RPF1: variants seen among roughly 807,000 people sequenced by gnomAD.
RPF1 encodes the protein ribosome production factor 1.
In RPF1, 34 loss-of-function variants were observed where a neutral mutation model predicts 41.9. The ratio of observed to expected loss-of-function variants is 0.81; its 90% CI spans 0.62 to 1.08. RPF1 has a LOEUF of 1.08. Among genes scored for constraint, RPF1 ranks in the 50% least tolerant of loss-of-function variants. RPF1 has a pLI of 0.00. For missense variants in RPF1, 425 were observed against 435.2 expected, an observed-to-expected ratio of 0.98 and a Z score of 0.21; for synonymous variants, 140 against 148.9, an observed-to-expected ratio of 0.94 and a Z score of 0.43.
chr1:84,495,908 C>T lies in RPF1; in HGVS notation c.726C>T (p.His242=). The T allele has an allele frequency of 6.2e-7, 1 of 1,609,360 alleles. No individual in the cohort carries two copies. Among genetic ancestry groups the T allele is most frequent in the Non-Finnish European group, 8.5e-7 (1 of 1,176,544 alleles). The stretch of plus-strand genomic sequence containing the variant: ...GAAGAGGCAAGGACCCCACAGAACA[C>T]ATACCTGAAATAATTCTGAATAATT... The part of the protein sequence containing the change: ...IKRRGKDPTE[H]IPEIILNNFT... Residue 242 remains histidine, a synonymous_variant, in exon 7 of 9, where the codon CAC becomes CAT. Transcript: ENST00000370654.
chr1:84,492,207 A>G (rs1681846345), intron 5 of RPF1, among the ~76,000 whole-genome samples: 1 of 152,080 alleles, frequency 6.6e-6, no homozygotes, highest in Non-Finnish European at 1.5e-5. Flanking sequence ...TGGGTTCAGG[A>G]ATAAAAATCA....
At chr1:84,481,098 T>A in intron 2 of RPF1, 86 bp downstream of exon 2, 1 of 746,158 alleles carries the variant, frequency 1.3e-6, no homozygotes, top group Non-Finnish European at 2.2e-6. Flanking sequence ...TCTTTTAAAA[T>A]TTATTATTAC....
At position 84,490,478 on chromosome 1, in the gene RPF1, C is replaced by CTTTT; in HGVS notation, c.616+14_616+17dup. On this transcript the variant is annotated splice_region_variant and intron_variant, in intron 5 of 8. Transcript: ENST00000370654. ...TGAAGATCGTAAAACCCCAAGTATC[C>CTTTT]TTTTTTTTTTTAAGGAGGTTTTCCT... 2.3e-6 allele frequency: 3 copies of CTTTT among 1,283,068 alleles called. No homozygotes were observed. The highest frequency in any genetic ancestry group is 3.2e-6 in the Non-Finnish European group (3 of 941,916). The allele number at this position is 1,283,068 out of a possible 1,614,324, so 79.5% of individuals were successfully genotyped here. A position where few individuals can be genotyped will look rare whatever the true frequency, so the allele number is the denominator to read the frequency against.
intron 3 of RPF1, among the ~76,000 whole-genome samples, chr1:84,484,142 A>G (rs1035645883): frequency 3.9e-5 from 6 of 152,250 alleles, no homozygotes; most frequent in Non-Finnish European, 7.3e-5. Flanking sequence ...AGGGTTTGCA[A>G]TTTTATGTAA....
chr1:84,479,502 A>G lies in RPF1; in HGVS notation c.221A>G (p.Gln74Arg). The G allele has an allele frequency of 3.7e-6, 6 of 1,614,000 alleles. No homozygotes were observed. The highest frequency in any genetic ancestry group is 5.1e-6 in the Non-Finnish European group (6 of 1,179,840). Residue 74 changes from glutamine (Q) to arginine (R), a missense_variant, in exon 1 of 9, where the codon CAG becomes CGG. Transcript: ENST00000370654. Reference sequence around the variant, plus strand: ...ATGTTCACGCGGTGGAAACAGCAGCAGCGGAAGGTACGCGAGAGGCGGGGG... The same window carrying G: ...ATGTTCACGCGGTGGAAACAGCAGCGGCGGAAGGTACGCGAGAGGCGGGGG... Reference protein sequence around the residue: ...HLMFTRWKQQQRKEKLAAKKK... With the variant: ...HLMFTRWKQQRRKEKLAAKKK...
chr1:84,489,383 C>T (rs1444864227), intron 3 of RPF1, among the ~76,000 whole-genome samples: 1 of 152,004 alleles, frequency 6.6e-6, no homozygotes, highest in Non-Finnish European at 1.5e-5. Context: ...CAAGAGTAAA[C>T]ACATCTCAGT....
intron 5 of RPF1, among the ~76,000 whole-genome samples, chr1:84,493,332 CAAAAA>C (rs376130673): frequency 9.6e-6 from 1 of 104,102 alleles, no homozygotes; most frequent in African/African-American, 3.2e-5. Context: ...GCACTACTAT[CAAAAA>C]AAAAAAAAAA....
chr1:84,482,710 G>A (rs1681671980), intron 2 of RPF1, among the ~76,000 whole-genome samples: 1 of 147,032 alleles, frequency 6.8e-6, no homozygotes, highest in Non-Finnish European at 1.5e-5. Flanking sequence ...CTTCTAGTAT[G>A]TGTGTGTCTC....
intron 5 of RPF1, among the ~76,000 whole-genome samples, chr1:84,493,496 G>A (rs1167674973): frequency 1.3e-5 from 2 of 151,908 alleles, no homozygotes; most frequent in African/African-American, 4.8e-5. Context: ...AGGTTGAGGT[G>A]GGAGGATTGC....
rs143601237 is a variant in RPF1, at chr1:84,492,341, A to AG, written c.616+1870dup. ...TGGAGGGGCTACTGTGTGGAAGAGT[A>AG]GTGCTGAATGGTGAAAGTTAAAGGG... On this transcript the variant is annotated intron_variant, in intron 5 of 8. Coordinates refer to ENST00000370654, the MANE Select transcript of RPF1 (RefSeq NM_025065.7). Among the ~76,000 whole-genome samples, 1,114 of 152,282 alleles carry AG rather than the reference A, an allele frequency of 7.3e-3. 12 individuals carry two copies. The highest frequency in any genetic ancestry group is 0.025 in the African/African-American group (1,040 of 41,546).
At chr1:84,480,445 C>G (rs961817707) in intron 1 of RPF1, among the ~76,000 whole-genome samples, 15 of 152,162 alleles carry the variant, frequency 9.9e-5, no homozygotes, top group Non-Finnish European at 5.9e-5. Flanking sequence ...TAATCTTAAG[C>G]CACCTTGCAA....
At position 84,480,236 on chromosome 1, in the gene RPF1, A is replaced by G. The variant is rs530420315; in HGVS notation, c.229-720A>G. Among the ~76,000 whole-genome samples, 14 of 152,294 alleles carry G rather than the reference A, an allele frequency of 9.2e-5. No individual in the cohort carries two copies. In the South Asian group the frequency reaches 1.0e-3, roughly 11 times the overall value. ...TCAAGGTGCTGTTTCAATACATACA[A>G]GGGGCGTTTAACTCATTCTGGTATG... On this transcript the variant is annotated intron_variant, in intron 1 of 8. Transcript: ENST00000370654.
At position 84,489,686 on chromosome 1, in the gene RPF1, T is replaced by A. The variant is rs1161279453; in HGVS notation, c.420T>A (p.Thr140=). 1 of 1,609,642 alleles carries A rather than the reference T, an allele frequency of 6.2e-7. No individual in the cohort carries two copies. The highest frequency in any genetic ancestry group is 2.2e-5 in the East Asian group (1 of 44,822). The change falls in exon 4 of 9, where the codon ACT becomes ACA. Residue 140 remains threonine (T), a synonymous_variant. Transcript: ENST00000370654. ...DEFASYFNKQ[T]SPKILITTSD... ...TTGCTTCTTACTTCAACAAACAGACTTCTCCCAAGATTCTCATCACAACAT... is the reference window on the plus strand; with the variant it reads ...TTGCTTCTTACTTCAACAAACAGACATCTCCCAAGATTCTCATCACAACAT...
At position 84,497,781 on chromosome 1, in the gene RPF1, G is replaced by C. The variant is rs908433897; in HGVS notation, c.*311G>C. 4 of 214,340 alleles carry C rather than the reference G, an allele frequency of 1.9e-5. No individual in the cohort carries two copies. Among genetic ancestry groups the C allele is most frequent in the Non-Finnish European group, 2.8e-5 (3 of 108,940 alleles). The allele number at this position is 214,340 out of a possible 1,614,324, so 13.3% of individuals were successfully genotyped here. A position where few individuals can be genotyped will look rare whatever the true frequency, so the allele number is the denominator to read the frequency against. On this transcript the variant is annotated 3_prime_UTR_variant, in exon 9 of 9. Coordinates refer to ENST00000370654, the MANE Select transcript of RPF1 (RefSeq NM_025065.7). ...ATAGAACACATGAGAGGAATAAAAT[G>C]GTTGGTAAATATTGGCTAACCCTTG...
intron 5 of RPF1, among the ~76,000 whole-genome samples, chr1:84,491,781 T>C (rs1681839762): frequency 1.3e-5 from 2 of 152,230 alleles, no homozygotes; most frequent in African/African-American, 4.8e-5. Flanking sequence ...ATTCATCAAT[T>C]CAATAAATGT....
chr1:84,490,545 A>G (rs981590970), intron 5 of RPF1, 73 bp downstream of exon 5: 7 of 1,051,216 alleles, frequency 6.7e-6, no homozygotes, highest in Non-Finnish European at 9.5e-6. Context: ...TTAAAAGAAT[A>G]AGGAAATATT....
intron 2 of RPF1, among the ~76,000 whole-genome samples, chr1:84,481,905 T>A (rs1467091884): frequency 6.6e-6 from 1 of 152,230 alleles, no homozygotes; most frequent in Non-Finnish European, 1.5e-5. Context: ...TTTCATACAT[T>A]CTTTGAATAG....
In RPF1 at chr1:84,480,976, A is replaced by G; in HGVS notation, c.249A>G (p.Lys83=). ...TTTAGGAAAAGTTGGCAGCTAAGAA[A>G]AAACTTAAAAAAGAAAGAGAGGCTC... ...QQRKEKLAAK[K]KLKKEREALG... Residue 83 remains lysine, a synonymous_variant, in exon 2 of 9, where the codon AAA becomes AAG. Transcript: ENST00000370654. 1 of 1,594,564 alleles carries G rather than the reference A, an allele frequency of 6.3e-7. No individual in the cohort carries two copies. Among genetic ancestry groups the G allele is most frequent in the Non-Finnish European group, 8.6e-7 (1 of 1,165,538 alleles).
rs370919713 is a variant in RPF1, at chr1:84,479,302, G to C, written c.21G>C (p.Lys7Asn). 5.6e-6 allele frequency: 9 copies of C among 1,606,522 alleles called. No individual in the cohort carries two copies. The highest frequency in any genetic ancestry group is 1.3e-5 in the African/African-American group (1 of 74,342). MAKAGD[K>N]SSSSGKKSLK... ...AGACCATGGCGAAAGCCGGGGATAA[G>C]AGCAGCAGCAGCGGGAAGAAAAGTC... Residue 7 changes from lysine to asparagine, a missense_variant, in exon 1 of 9, where the codon AAG becomes AAC. Lys to Asn is a moderately conservative substitution (Grantham distance 94). Coordinates refer to ENST00000370654, the MANE Select transcript of RPF1 (RefSeq NM_025065.7).
Sources: gnomAD v4.1 joint callset for allele counts (sites outside exome capture counted in the v4.1 genomes callset) on GRCh38, gnomAD v4.1.1 for gene constraint, MANE v1.5 for transcripts, NCBI Gene and HGNC (gene_info 2026-07-23, HGNC 2026-07-21) for gene names.